Variants in PCDHA6 observed in about 807,000 individuals in gnomAD.
The protein encoded by PCDHA6 is protocadherin alpha-6.
Under a neutral mutation model 60.3 loss-of-function variants are expected in PCDHA6, and 55 were observed. The observed-to-expected ratio is 0.91, with a 90% CI of 0.73 to 1.14. PCDHA6 has a LOEUF of 1.14. Among genes scored for constraint, PCDHA6 ranks in the 50% most tolerant of loss-of-function variants. The pLI is 0.00. For synonymous variants in PCDHA6, 652 were observed against 557.9 expected (o/e 1.17, Z -2.38); for missense variants, 1,327 against 1,256.5 (o/e 1.06, Z -0.85).
Position 140,829,727 on chromosome 5 carries a change from G to A in PCDHA6, c.1636G>A (p.Gly546Ser), listed in dbSNP as rs2150173512. The A allele has an allele frequency of 7.4e-6, 12 of 1,613,462 alleles. No homozygotes were observed. The highest frequency in any genetic ancestry group is 4.5e-5 in the East Asian group (2 of 44,876). ...SARDAGVPPLGSNVTLQVFVL... is the reference protein window; with the variant it reads ...SARDAGVPPLSSNVTLQVFVL... Reference sequence around the variant, plus strand: ...GCGCGACGCGGGCGTGCCGCCTCTGGGCAGCAACGTGACGCTGCAGGTGTT... The same window carrying A: ...GCGCGACGCGGGCGTGCCGCCTCTGAGCAGCAACGTGACGCTGCAGGTGTT... The change falls in exon 1 of 4, where the codon GGC becomes AGC. Residue 546 changes from glycine (G) to serine (S), a missense_variant. Gly to Ser is a moderately conservative substitution (Grantham distance 56). Coordinates refer to ENST00000529310, the MANE Select transcript of PCDHA6 (RefSeq NM_018909.4).
At chr5:140,876,004 T>A in intron 1 of PCDHA6, 1 of 1,613,866 alleles carries the variant, frequency 6.2e-7, no homozygotes, top group African/African-American at 1.3e-5. Context: ...AAATGAGAAT[T>A]TTGAGCTTAA....
intron 1 of PCDHA6, among the ~76,000 whole-genome samples, chr5:140,893,912 G>A (rs1254345100): frequency 6.6e-6 from 1 of 152,124 alleles, no homozygotes; most frequent in Non-Finnish European, 1.5e-5. Flanking sequence ...TGAATTTGTG[G>A]TCTTTTTCAG....
Position 140,850,921 on chromosome 5 carries a change from T to G in PCDHA6, c.2394+20436T>G, listed in dbSNP as rs2150502315. 43 of 1,526,092 alleles carry G rather than the reference T, an allele frequency of 2.8e-5. 3 individuals carry two copies. In the African/African-American group the frequency reaches 3.6e-4, roughly 13 times the overall value. 94.5% of individuals were successfully genotyped at this position (1,526,092 alleles called of 1,614,324 possible). ...TTTTCTAGCATTTTATTTATTTATA[T>G]AATTTTTTTTCTTGAAAGATATTAT... On this transcript the variant is annotated intron_variant, in intron 1 of 3. Coordinates refer to ENST00000529310, the MANE Select transcript of PCDHA6 (RefSeq NM_018909.4).
intron 1 of PCDHA6, chr5:140,875,239 A>G (rs1008116554): frequency 1.1e-6 from 1 of 915,946 alleles, no homozygotes; most frequent in Non-Finnish European, 1.5e-6. Flanking sequence ...TCTTGTACTT[A>G]CATAATCAGT....
intron 1 of PCDHA6, chr5:140,850,132 G>T (rs2150469208): frequency 6.3e-7 from 1 of 1,595,756 alleles, no homozygotes; most frequent in Non-Finnish European, 8.6e-7. Flanking sequence ...CCGCCTCTGG[G>T]CAGCAACGTG....
chr5:140,829,723 T>C lies in PCDHA6; in HGVS notation c.1632T>C (p.Pro544=). 1.2e-6 allele frequency: 2 copies of C among 1,613,596 alleles called. No homozygotes were observed. The highest frequency in any genetic ancestry group is 1.7e-6 in the Non-Finnish European group (2 of 1,179,866). Residue 544 remains proline, a synonymous_variant, in exon 1 of 4, where the codon CCT becomes CCC. Coordinates refer to ENST00000529310, the MANE Select transcript of PCDHA6 (RefSeq NM_018909.4). ...GCGCGCGCGACGCGGGCGTGCCGCC[T>C]CTGGGCAGCAACGTGACGCTGCAGG... is the stretch of plus-strand genomic sequence containing the variant. ...QVSARDAGVP[P]LGSNVTLQVF...
rs1280903830 is a variant in PCDHA6, at chr5:140,927,541, G to T, written c.2395-51408G>T. 4 of 1,613,996 alleles carry T rather than the reference G, an allele frequency of 2.5e-6. No homozygotes were observed. The East Asian group carries it at 6.7e-5, about 27-fold the overall frequency. On this transcript the variant is annotated intron_variant, in intron 1 of 3. Coordinates refer to ENST00000529310, the MANE Select transcript of PCDHA6 (RefSeq NM_018909.4). ...CGGGCTACCTGCCCGCTCAGGAGAC[G>T]CACAAGTCACCATCATTGTGGTGGA...
intron 1 of PCDHA6, chr5:140,857,355 C>T: frequency 6.3e-7 from 1 of 1,598,292 alleles, no homozygotes. Flanking sequence ...CCGCTGTGGG[C>T]CACGGCCAGC....
At chr5:140,900,559 G>T (rs542075943) in intron 1 of PCDHA6, among the ~76,000 whole-genome samples, 1 of 152,196 alleles carries the variant, frequency 6.6e-6, no homozygotes, top group Admixed American at 6.5e-5. Context: ...TTACAGGCGT[G>T]AGCCACGGCA....
chr5:140,850,493 G>T, intron 1 of PCDHA6: 4 of 1,598,102 alleles, frequency 2.5e-6, no homozygotes, highest in African/African-American at 1.3e-5. Flanking sequence ...CCACTGTGCT[G>T]GTGTCGCTGG....
chr5:140,965,591 C>T (rs1440117062), intron 1 of PCDHA6, among the ~76,000 whole-genome samples: 1 of 151,692 alleles, frequency 6.6e-6, no homozygotes, highest in Non-Finnish European at 1.5e-5. Context: ...AATGGTTTTG[C>T]AGACTCTTGA....
intron 1 of PCDHA6, chr5:140,871,714 T>G (rs938500670): frequency 2.5e-6 from 2 of 805,644 alleles, no homozygotes; most frequent in African/African-American, 3.5e-5. Context: ...AATGTCCTAT[T>G]TCTCTTAATA....
chr5:140,869,244 C>A (rs782454826), intron 1 of PCDHA6: 1 of 1,613,658 alleles, frequency 6.2e-7, no homozygotes. Flanking sequence ...TCGTGGGCCG[C>A]ATCGCGCAGG....
At chr5:140,972,132 A>C (rs1412850121) in intron 1 of PCDHA6, among the ~76,000 whole-genome samples, 9 of 152,062 alleles carry the variant, frequency 5.9e-5, no homozygotes, top group African/African-American at 2.2e-4. Context: ...TCAGTGAGTT[A>C]CTACTATTTT....
chr5:140,980,091 T>A (rs2096876102), intron 2 of PCDHA6, among the ~76,000 whole-genome samples: 1 of 152,218 alleles, frequency 6.6e-6, no homozygotes, highest in Non-Finnish European at 1.5e-5. Flanking sequence ...GTAGTTGGCT[T>A]GGTAAGATGT....
At chr5:140,966,030 A>C (rs1554227994) in intron 1 of PCDHA6, among the ~76,000 whole-genome samples, 4 of 152,164 alleles carry the variant, frequency 2.6e-5, no homozygotes, top group Admixed American at 6.5e-5. Context: ...AGTCAGGTGA[A>C]TAGTTCCCAT....
intron 1 of PCDHA6, among the ~76,000 whole-genome samples, chr5:140,915,396 C>T (rs1554196881): frequency 6.6e-6 from 1 of 152,116 alleles, no homozygotes; most frequent in African/African-American, 2.4e-5. Context: ...CTAGGTATTT[C>T]TTATAGTCTT....
chr5:140,926,884 A>G, intron 1 of PCDHA6: 7 of 1,542,402 alleles, frequency 4.5e-6, no homozygotes, highest in Non-Finnish European at 6.1e-6. Flanking sequence ...GTGGACGCCT[A>G]GAGGGAGGAT....
chr5:140,889,868 G>A (rs905154258), intron 1 of PCDHA6, among the ~76,000 whole-genome samples: 2 of 152,136 alleles, frequency 1.3e-5, no homozygotes, highest in African/African-American at 4.8e-5. Context: ...TTTGGGGGAA[G>A]CCTGCCACCA....
Sources: gnomAD v4.1 joint callset for allele counts (sites outside exome capture counted in the v4.1 genomes callset) on GRCh38, gnomAD v4.1.1 for gene constraint, MANE v1.5 for transcripts, NCBI Gene and HGNC (gene_info 2026-07-23, HGNC 2026-07-21) for gene names.